Variants in OR51B5 observed in about 807,000 individuals in gnomAD.
The protein encoded by OR51B5 is olfactory receptor family 51 subfamily B member 5.
For synonymous variants in OR51B5, 186 were observed against 144.8 expected, an observed-to-expected ratio of 1.28 and a Z score of -2.04; for missense variants, 456 against 374.6, an observed-to-expected ratio of 1.22 and a Z score of -1.79.
At chr11:5,488,883 T>G in intron 1 of OR51B5, 2 of 1,614,064 alleles carry the variant, frequency 1.2e-6, no homozygotes, top group Non-Finnish European at 1.7e-6. Context: ...ATGCTCTTCA[T>G]GCACCTATGT....
At chr11:5,441,254 G>C (rs763641521) in intron 1 of OR51B5, 1 of 1,614,002 alleles carries the variant, frequency 6.2e-7, no homozygotes, top group Non-Finnish European at 8.5e-7. Context: ...AGTTGAAGCA[G>C]AAAGTAGAAA....
At chr11:5,389,798 C>G (rs74683499) in intron 1 of OR51B5, 4 of 1,613,744 alleles carry the variant, frequency 2.5e-6, no homozygotes, top group Non-Finnish European at 3.4e-6. Flanking sequence ...GTCCTTTGAC[C>G]GCCTTGTGGC....
At chr11:5,489,832 T>G (rs1053206341) in intron 1 of OR51B5, 3 of 602,726 alleles carry the variant, frequency 5.0e-6, no homozygotes, top group Non-Finnish European at 8.8e-6. Flanking sequence ...ACACTGAACA[T>G]ACTATTTTCC....
At chr11:5,376,449 A>G (rs2133712788) in intron 1 of OR51B5, among the ~76,000 whole-genome samples, 1 of 152,304 alleles carries the variant, frequency 6.6e-6, no homozygotes, top group Non-Finnish European at 1.5e-5. Flanking sequence ...AGAAGTCAAG[A>G]AATAACTAAA....
intron 1 of OR51B5, chr11:5,389,604 C>T (rs778999949): frequency 1.2e-6 from 2 of 1,613,864 alleles, no homozygotes; most frequent in Non-Finnish European, 1.7e-6. Flanking sequence ...CGTCTGCACA[C>T]ACCCATGTAC....
chr11:5,477,978 G>A (rs1185695174), intron 1 of OR51B5, among the ~76,000 whole-genome samples: 6 of 151,918 alleles, frequency 3.9e-5, no homozygotes, highest in Non-Finnish European at 2.9e-5. Flanking sequence ...AAACAAAGCA[G>A]CCGGGAAGCT....
intron 1 of OR51B5, among the ~76,000 whole-genome samples, chr11:5,460,536 A>C (rs1430410640): frequency 6.6e-6 from 1 of 152,114 alleles, no homozygotes; most frequent in African/African-American, 2.4e-5. Context: ...TCAGTATCTC[A>C]TTGAGCTTCC....
chr11:5,486,968 A>C (rs182948087), intron 1 of OR51B5, among the ~76,000 whole-genome samples: 1 of 152,308 alleles, frequency 6.6e-6, no homozygotes. Flanking sequence ...TTTGGAGCTA[A>C]GATAATGAGT....
At chr11:5,456,538 C>A (rs1387956040) in intron 1 of OR51B5, 2 of 152,000 alleles carry the variant, frequency 1.3e-5, no homozygotes, top group Non-Finnish European at 2.9e-5. Context: ...ATTGAAACAG[C>A]AAAAATACTT....
At chr11:5,349,038 G>A (rs1015774921) in intron 1 of OR51B5, among the ~76,000 whole-genome samples, 1 of 152,126 alleles carries the variant, frequency 6.6e-6, no homozygotes, top group Non-Finnish European at 1.5e-5. Context: ...ATCAGTTTAT[G>A]CGGCAGAGTT....
intron 1 of OR51B5, among the ~76,000 whole-genome samples, chr11:5,406,856 A>G (rs1209825779): frequency 6.6e-6 from 1 of 152,102 alleles, no homozygotes; most frequent in Non-Finnish European, 1.5e-5. Flanking sequence ...AGATGAGTAA[A>G]TAAGAAGAGC....
intron 1 of OR51B5, among the ~76,000 whole-genome samples, chr11:5,414,832 T>G (rs1367753550): frequency 6.6e-6 from 1 of 152,160 alleles, no homozygotes; most frequent in African/African-American, 2.4e-5. Context: ...AATGGGAGAC[T>G]TTAACACCCC....
chr11:5,469,030 C>G lies in OR51B5; in HGVS notation n.84+36539G>C, dbSNP rs147630465. The G allele has an allele frequency of 5.4e-4, 161 of 296,330 alleles. 1 individual carries two copies. The highest frequency in any genetic ancestry group is 9.3e-4 in the Non-Finnish European group (138 of 148,446). 18.4% of individuals were successfully genotyped at this position (296,330 alleles called of 1,614,324 possible). ...CAGTGAGCACTGTGGCATAGCGCAGCGGGTTACAGATGGCCACATAGTGGT... is the reference window on the plus strand; with the variant it reads ...CAGTGAGCACTGTGGCATAGCGCAGGGGGTTACAGATGGCCACATAGTGGT... On this transcript the variant is annotated intron_variant and non_coding_transcript_variant, in intron 1 of 4. Transcript: ENST00000415970.
chr11:5,491,665 A>G (rs1191314284), intron 1 of OR51B5, among the ~76,000 whole-genome samples: 4 of 152,220 alleles, frequency 2.6e-5, no homozygotes, highest in Non-Finnish European at 5.9e-5. Context: ...ATAGTGATGG[A>G]TCAATCTCAA....
chr11:5,487,913 T>C (rs900262426), intron 1 of OR51B5, among the ~76,000 whole-genome samples: 2 of 152,216 alleles, frequency 1.3e-5, no homozygotes, highest in Non-Finnish European at 1.5e-5. Context: ...TCAATCATGA[T>C]ATGAAAGCAT....
chr11:5,501,871 C>T (rs962494589), intron 1 of OR51B5, among the ~76,000 whole-genome samples: 8 of 148,216 alleles, frequency 5.4e-5, no homozygotes, highest in Admixed American at 4.2e-4. Context: ...CACCCATGAA[C>T]TGGTCATTTA....
intron 1 of OR51B5, among the ~76,000 whole-genome samples, chr11:5,372,583 C>T (rs917624162): frequency 1.3e-5 from 2 of 152,116 alleles, no homozygotes; most frequent in African/African-American, 2.4e-5. Context: ...TATTCAGATC[C>T]TTTGCCCATT....
At chr11:5,411,258 T>A (rs1850145029) in intron 1 of OR51B5, among the ~76,000 whole-genome samples, 2 of 152,168 alleles carry the variant, frequency 1.3e-5, no homozygotes, top group Admixed American at 1.3e-4. Flanking sequence ...TTTAGATATG[T>A]TTAGATACAA....
chr11:5,360,438 G>A (rs1297945041), intron 1 of OR51B5, among the ~76,000 whole-genome samples: 1 of 151,266 alleles, frequency 6.6e-6, no homozygotes, highest in East Asian at 1.9e-4. Flanking sequence ...AAACCACAGT[G>A]AGATACCATC....
Sources: gnomAD v4.1 joint callset for allele counts (sites outside exome capture counted in the v4.1 genomes callset) on GRCh38, gnomAD v4.1.1 for gene constraint, MANE v1.5 for transcripts, NCBI Gene and HGNC (gene_info 2026-07-23, HGNC 2026-07-21) for gene names.